SNX18: variants seen among roughly 807,000 people sequenced by gnomAD.
The protein encoded by SNX18 is sorting nexin 18, also known as sorting nexin-18.
SNX18 carries 35 observed loss-of-function variants against 48.7 expected under a neutral mutation model. The ratio of observed to expected loss-of-function variants is 0.72; its 90% CI spans 0.55 to 0.95. The LOEUF (loss-of-function observed/expected upper bound fraction) is 0.95. Ranked by LOEUF, SNX18 falls within the 40% of genes least tolerant of loss-of-function variation. The probability of loss-of-function intolerance (pLI) is 0.00; values close to 1 mark genes in which losing one functional copy is unlikely to be tolerated. For missense variants in SNX18, 824 were observed against 871.0 expected (o/e 0.95, Z 0.68); for synonymous variants, 492 against 384.7 (o/e 1.28, Z -3.26).
the SNX18 span, among the ~76,000 whole-genome samples, chr5:54,599,970 G>A: frequency 1.3e-5 from 2 of 152,034 alleles, no homozygotes; most frequent in Admixed American, 1.3e-4. Context: ...TGCAACAAAA[G>A]CAAAAATTGA....
chr5:54,644,302 G>A, the SNX18 span: 1 of 152,210 alleles, frequency 6.6e-6, no homozygotes, highest in South Asian at 2.1e-4. Flanking sequence ...TAGTCAGTAA[G>A]TACAGTCAAG....
At chr5:54,598,541 A>T in the SNX18 span, among the ~76,000 whole-genome samples, 1 of 152,124 alleles carries the variant, frequency 6.6e-6, no homozygotes, top group Non-Finnish European at 1.5e-5. Context: ...ACCATGATCA[A>T]GTTAGCTTTA....
At chr5:54,625,990 G>C in the SNX18 span, among the ~76,000 whole-genome samples, 1 of 152,196 alleles carries the variant, frequency 6.6e-6, no homozygotes, top group African/African-American at 2.4e-5. Context: ...TATTGCTAGT[G>C]CCGTTGTTTG....
At chr5:54,534,100 C>T (rs1445516095) in intron 1 of SNX18, among the ~76,000 whole-genome samples, 1 of 152,144 alleles carries the variant, frequency 6.6e-6, no homozygotes, top group Admixed American at 6.5e-5. Flanking sequence ...GTCCCTGCTG[C>T]CCTTCAGCCT....
chr5:54,587,416 C>T, the SNX18 span, among the ~76,000 whole-genome samples: 15 of 152,168 alleles, frequency 9.9e-5, no homozygotes, highest in South Asian at 2.3e-3. Context: ...TAATCTATTG[C>T]GTCTTCTGCT....
At chr5:54,638,242 G>C in the SNX18 span, among the ~76,000 whole-genome samples, 7 of 152,154 alleles carry the variant, frequency 4.6e-5, no homozygotes, top group South Asian at 2.1e-4. Context: ...TACTTTCTGA[G>C]AATCTGTGGT....
At chr5:54,596,197 G>A in the SNX18 span, among the ~76,000 whole-genome samples, 231 of 151,596 alleles carry the variant, frequency 1.5e-3, 1 homozygote, top group Non-Finnish European at 2.8e-3. Flanking sequence ...GTGACAAAGC[G>A]GATAAAATTA....
At position 54,546,497 on chromosome 5, in the gene SNX18, A is replaced by G. The variant is rs536655714; in HGVS notation, c.*3065A>G. The G allele has an allele frequency of 1.3e-5, 2 of 152,350 alleles. No individual in the cohort carries two copies. Among genetic ancestry groups the G allele is most frequent in the East Asian group, 3.9e-4 (2 of 5,186 alleles). 9.4% of individuals were successfully genotyped at this position (152,350 alleles called of 1,614,324 possible). ...TTTATTTGTAGTCTAGAAATGTTGAATATTGTTTTATTTCCTTCAAAATGT... is the reference window on the plus strand; with the variant it reads ...TTTATTTGTAGTCTAGAAATGTTGAGTATTGTTTTATTTCCTTCAAAATGT... On this transcript the variant is annotated 3_prime_UTR_variant, in exon 2 of 2. Transcript: ENST00000381410.
At chr5:54,623,873 A>C in the SNX18 span, among the ~76,000 whole-genome samples, 1 of 152,312 alleles carries the variant, frequency 6.6e-6, no homozygotes, top group South Asian at 2.1e-4. Context: ...GGCTCATTAG[A>C]TGCATCACTC....
At chr5:54,603,325 C>A in the SNX18 span, among the ~76,000 whole-genome samples, 2 of 151,852 alleles carry the variant, frequency 1.3e-5, no homozygotes, top group Admixed American at 6.6e-5. Context: ...ACTGGAGGCT[C>A]AAATGCCTGG....
chr5:54,629,826 T>G, the SNX18 span, among the ~76,000 whole-genome samples: 1 of 152,308 alleles, frequency 6.6e-6, no homozygotes, highest in African/African-American at 2.4e-5. Flanking sequence ...GTAGCTTAAA[T>G]GTGACCATTA....
intron 1 of SNX18, among the ~76,000 whole-genome samples, chr5:54,539,056 A>G (rs2111587909): frequency 6.6e-6 from 1 of 152,244 alleles, no homozygotes; most frequent in Non-Finnish European, 1.5e-5. Context: ...TTTTTTAGAC[A>G]GGGTCTCACT....
the SNX18 span, among the ~76,000 whole-genome samples, chr5:54,576,814 T>A: frequency 2.0e-5 from 3 of 152,104 alleles, no homozygotes; most frequent in Non-Finnish European, 2.9e-5. Context: ...TGCTTGTTTG[T>A]CTTTTGGAAC....
intron 1 of SNX18, among the ~76,000 whole-genome samples, chr5:54,533,714 A>G (rs1185913570): frequency 1.3e-5 from 2 of 152,244 alleles, no homozygotes; most frequent in Admixed American, 6.5e-5. Context: ...TGCAGAGCAC[A>G]GGTGTGCACA....
At chr5:54,620,539 C>T in the SNX18 span, among the ~76,000 whole-genome samples, 2 of 152,204 alleles carry the variant, frequency 1.3e-5, no homozygotes, top group Non-Finnish European at 2.9e-5. Context: ...GTAGCCCATC[C>T]TGCCTTCAGG....
the SNX18 span, among the ~76,000 whole-genome samples, chr5:54,568,012 G>C: frequency 1.7e-3 from 252 of 152,318 alleles, 1 homozygote; most frequent in African/African-American, 5.7e-3. Flanking sequence ...TGCACTACTT[G>C]CTTCTAAAAT....
At chr5:54,584,380 T>C in the SNX18 span, among the ~76,000 whole-genome samples, 1 of 152,088 alleles carries the variant, frequency 6.6e-6, no homozygotes. Flanking sequence ...GAACTTCCCA[T>C]GGCTGCTTGG....
At chr5:54,532,407 TG>T (rs2112848840) in intron 1 of SNX18, among the ~76,000 whole-genome samples, 1 of 151,610 alleles carries the variant, frequency 6.6e-6, no homozygotes, top group Admixed American at 6.6e-5. Flanking sequence ...CCCCTATTTG[TG>T]TTCTCTGAAT....
At chr5:54,557,496 C>G in the SNX18 span, among the ~76,000 whole-genome samples, 1 of 152,112 alleles carries the variant, frequency 6.6e-6, no homozygotes, top group South Asian at 2.1e-4. Context: ...TCTAAAAGAT[C>G]GATGATCTGA....
Sources: gnomAD v4.1 joint callset for allele counts (sites outside exome capture counted in the v4.1 genomes callset) on GRCh38, gnomAD v4.1.1 for gene constraint, MANE v1.5 for transcripts, NCBI Gene and HGNC (gene_info 2026-07-23, HGNC 2026-07-21) for gene names.